The following FNDC3B variants were observed in gnomAD, a reference collection of about 807,000 sequenced individuals.
FNDC3B encodes fibronectin type III domain containing 3B.
In FNDC3B, 12 loss-of-function variants were observed where a neutral mutation model predicts 151.5. The observed-to-expected ratio is 0.08, with a 90% confidence interval of 0.05 to 0.13. The LOEUF (loss-of-function observed/expected upper bound fraction) is 0.13. FNDC3B is among the 10% of genes least tolerant of loss of function. The pLI is 1.00. For missense variants in FNDC3B, 1,214 were observed against 1,505.3 expected (o/e 0.81, Z 3.20); for synonymous variants, 528 against 549.0 (o/e 0.96, Z 0.54).
At chr3:172,152,460 C>T (rs1055617272) in intron 3 of FNDC3B, among the ~76,000 whole-genome samples, 5 of 152,132 alleles carry the variant, frequency 3.3e-5, no homozygotes, top group Admixed American at 6.5e-5. Flanking sequence ...GCTTCCTGTC[C>T]GTTCTCCATC....
intron 1 of FNDC3B, among the ~76,000 whole-genome samples, chr3:172,103,411 C>G (rs1719469835): frequency 6.6e-6 from 1 of 152,026 alleles, no homozygotes; most frequent in African/African-American, 2.4e-5. Context: ...TACTCATAAT[C>G]CTTATATATA....
intron 3 of FNDC3B, among the ~76,000 whole-genome samples, chr3:172,170,117 T>G (rs1723215549): frequency 6.6e-6 from 1 of 152,236 alleles, no homozygotes; most frequent in Non-Finnish European, 1.5e-5. Flanking sequence ...TAAGCAAAGT[T>G]GTTTTCTTCC....
chr3:172,311,107 A>G (rs1276315891), intron 11 of FNDC3B, among the ~76,000 whole-genome samples: 1 of 152,210 alleles, frequency 6.6e-6, no homozygotes, highest in Non-Finnish European at 1.5e-5. Flanking sequence ...TGCAAGCACT[A>G]CTGCTGAAAG....
At chr3:172,101,363 A>T (rs1268403961) in intron 1 of FNDC3B, among the ~76,000 whole-genome samples, 1 of 152,212 alleles carries the variant, frequency 6.6e-6, no homozygotes, top group Non-Finnish European at 1.5e-5. Flanking sequence ...GTTTTTAGTT[A>T]ACTGAGTATA....
chr3:172,105,280 C>A (rs747718717), intron 1 of FNDC3B, among the ~76,000 whole-genome samples: 3 of 151,970 alleles, frequency 2.0e-5, no homozygotes, highest in Admixed American at 6.6e-5. Context: ...ATTTTAACTT[C>A]TAGATGTTTA....
chr3:172,074,662 A>G (rs1159773236), intron 1 of FNDC3B, among the ~76,000 whole-genome samples: 2 of 152,210 alleles, frequency 1.3e-5, no homozygotes, highest in Non-Finnish European at 2.9e-5. Flanking sequence ...TAAGGGCTGA[A>G]AAAAATAAGG....
At position 172,181,410 on chromosome 3, in the gene FNDC3B, AAAAAC is replaced by A. The variant is rs1360771676; in HGVS notation, c.188-45456_188-45452del. On this transcript the variant is annotated intron_variant, in intron 3 of 25. Transcript: ENST00000415807. Reference sequence around the variant, plus strand: ...ACTCTGTCTCCAAAAAAAAAAAAAAAAAAACAAAAAAAAACACCTTTAGAATTTAC... The same window carrying A: ...ACTCTGTCTCCAAAAAAAAAAAAAAAAAAAAAAAACACCTTTAGAATTTAC... Among the ~76,000 whole-genome samples the A allele has an allele frequency of 8.9e-4, 128 of 144,216 alleles. 3 individuals carry two copies. The highest frequency in any genetic ancestry group is 3.2e-3 in the African/African-American group (126 of 38,958). 94.6% of individuals were successfully genotyped at this position (144,216 alleles called of 152,430 possible). A position where few individuals can be genotyped will look rare whatever the true frequency, so the allele number is the denominator to read the frequency against.
At chr3:172,321,233 G>C (rs1181999204) in intron 11 of FNDC3B, among the ~76,000 whole-genome samples, 1 of 152,176 alleles carries the variant, frequency 6.6e-6, no homozygotes, top group Non-Finnish European at 1.5e-5. Flanking sequence ...AGAGACCATT[G>C]CGTGTCTGGA....
intron 3 of FNDC3B, among the ~76,000 whole-genome samples, chr3:172,215,781 A>G (rs985988821): frequency 6.6e-6 from 1 of 152,194 alleles, no homozygotes; most frequent in African/African-American, 2.4e-5. Context: ...ATCGACTTTT[A>G]ATGAGCAATC....
At chr3:172,386,157 T>C (rs1481369896) in intron 25 of FNDC3B, among the ~76,000 whole-genome samples, 1 of 152,248 alleles carries the variant, frequency 6.6e-6, no homozygotes, top group South Asian at 2.1e-4. Flanking sequence ...TTAAAACTTC[T>C]TTTCAAATAG....
chr3:172,201,194 G>A (rs939694682), intron 3 of FNDC3B, among the ~76,000 whole-genome samples: 4 of 152,116 alleles, frequency 2.6e-5, no homozygotes, highest in African/African-American at 7.2e-5. Flanking sequence ...TTCTGTTAGC[G>A]CTTCCATTGG....
At chr3:172,256,615 T>TA (rs1414726457) in intron 6 of FNDC3B, among the ~76,000 whole-genome samples, 8 of 152,302 alleles carry the variant, frequency 5.3e-5, no homozygotes, top group Non-Finnish European at 8.8e-5. Context: ...TTATTCTTGA[T>TA]AAAAAAACCA....
intron 1 of FNDC3B, among the ~76,000 whole-genome samples, chr3:172,080,793 C>T (rs1441080425): frequency 6.6e-6 from 1 of 152,188 alleles, no homozygotes; most frequent in Non-Finnish European, 1.5e-5. Flanking sequence ...CTCTCTGTGT[C>T]TGTTAAGGGC....
intron 2 of FNDC3B, among the ~76,000 whole-genome samples, chr3:172,129,225 A>T (rs891045422): frequency 2.6e-5 from 4 of 152,180 alleles, no homozygotes; most frequent in Non-Finnish European, 5.9e-5. Flanking sequence ...TCCCCGTCTC[A>T]GCCTCCCAAA....
intron 3 of FNDC3B, among the ~76,000 whole-genome samples, chr3:172,151,693 C>T (rs1447580395): frequency 7.2e-5 from 11 of 152,152 alleles, no homozygotes; most frequent in Admixed American, 3.9e-4. Flanking sequence ...TTAAAACCTG[C>T]GGTAGCTAAT....
intron 11 of FNDC3B, among the ~76,000 whole-genome samples, chr3:172,327,063 T>C (rs1365250241): frequency 6.6e-6 from 1 of 152,176 alleles, no homozygotes; most frequent in Admixed American, 6.5e-5. Flanking sequence ...TGTGATCGGA[T>C]GCTGGGTGTA....
chr3:172,240,757 C>G (rs1727452288), intron 4 of FNDC3B, among the ~76,000 whole-genome samples: 1 of 152,208 alleles, frequency 6.6e-6, no homozygotes, highest in Admixed American at 6.5e-5. Flanking sequence ...TGACAGACCA[C>G]AGGCACTGAC....
intron 3 of FNDC3B, among the ~76,000 whole-genome samples, chr3:172,216,040 G>A (rs949638711): frequency 6.6e-6 from 1 of 151,106 alleles, no homozygotes; most frequent in Non-Finnish European, 1.5e-5. Context: ...CACGCTGTGT[G>A]AGAAAGTCCG....
Position 172,346,023 on chromosome 3 carries a change from G to A in FNDC3B, c.2251-304G>A, listed in dbSNP as rs187209106. Reference sequence around the variant, plus strand: ...GAGAAATATGAAAGCAGATTGCCCTGTTTTGTCAAAAATCAGCATATTTTT... The same window carrying A: ...GAGAAATATGAAAGCAGATTGCCCTATTTTGTCAAAAATCAGCATATTTTT... On this transcript the variant is annotated intron_variant, in intron 19 of 25. Coordinates refer to ENST00000415807, the MANE Select transcript of FNDC3B (RefSeq NM_022763.4). 40 of 172,154 alleles carry A rather than the reference G, an allele frequency of 2.3e-4. 3 individuals are homozygous for A. The East Asian group carries it at 3.6e-3, about 15-fold the overall frequency. The allele number at this position is 172,154 out of a possible 1,614,324, so 10.7% of individuals were successfully genotyped here. A position where few individuals can be genotyped will look rare whatever the true frequency, so the allele number is the denominator to read the frequency against.
Sources: allele counts gnomAD v4.1 joint callset (sites outside exome capture counted in the v4.1 genomes callset), GRCh38; gene constraint gnomAD v4.1.1; transcripts MANE v1.5; gene names NCBI Gene and HGNC (gene_info 2026-07-23, HGNC 2026-07-21).